The following CSMD1 variants were observed in gnomAD, a reference collection of about 807,000 sequenced individuals.
CSMD1 encodes the protein CUB and sushi domain-containing protein 1.
Under a neutral mutation model 417.5 loss-of-function variants are expected in CSMD1, and 213 were observed. That is an observed-to-expected ratio of 0.51 (90% CI 0.46 to 0.57). The LOEUF (loss-of-function observed/expected upper bound fraction) is 0.57. Ranked by LOEUF, CSMD1 falls within the 20% of genes least tolerant of loss-of-function variation. The probability of loss-of-function intolerance (pLI) is 0.00; values close to 1 mark genes in which losing one functional copy is unlikely to be tolerated. For synonymous variants in CSMD1, 2,862 were observed against 1,736.8 expected (o/e 1.65, Z -16.11); for missense variants, 6,923 against 4,529.7 (o/e 1.53, Z -15.17).
At chr8:4,141,728 CT>C (rs1803803817) in intron 3 of CSMD1, among the ~76,000 whole-genome samples, 1 of 150,676 alleles carries the variant, frequency 6.6e-6, no homozygotes, top group Non-Finnish European at 1.5e-5. Context: ...AATCTTGCAA[CT>C]AAAAACGGAT....
chr8:3,484,835 C>T (rs556517804), intron 11 of CSMD1, among the ~76,000 whole-genome samples: 1 of 152,254 alleles, frequency 6.6e-6, no homozygotes, highest in African/African-American at 2.4e-5. Context: ...TGTTCAGTAT[C>T]ATTAGCCATC....
chr8:3,097,445 T>G (rs560640042), intron 46 of CSMD1, among the ~76,000 whole-genome samples: 1 of 136,360 alleles, frequency 7.3e-6, no homozygotes, highest in South Asian at 2.4e-4. Flanking sequence ...ATTTTGGCTT[T>G]AAATATACAG....
intron 1 of CSMD1, among the ~76,000 whole-genome samples, chr8:4,867,729 CGTATTA>C (rs1329835049): frequency 1.3e-5 from 2 of 151,904 alleles, no homozygotes; most frequent in African/African-American, 4.8e-5. Context: ...AACAAAATGC[CGTATTA>C]GTATTCAATG....
At chr8:3,911,060 A>G (rs756127961) in intron 5 of CSMD1, among the ~76,000 whole-genome samples, 1 of 152,150 alleles carries the variant, frequency 6.6e-6, no homozygotes, top group Non-Finnish European at 1.5e-5. Context: ...GAACTCTAGA[A>G]ATTGGAGATG....
intron 53 of CSMD1, among the ~76,000 whole-genome samples, chr8:2,999,268 C>T (rs1217107561): frequency 6.6e-6 from 1 of 150,480 alleles, no homozygotes; most frequent in Non-Finnish European, 1.5e-5. Context: ...AATTCTCCTG[C>T]TTCAGCCCCT....
chr8:4,105,675 T>G (rs188857092), intron 3 of CSMD1, among the ~76,000 whole-genome samples: 2 of 152,258 alleles, frequency 1.3e-5, no homozygotes, highest in South Asian at 2.1e-4. Flanking sequence ...CATTAGCAGG[T>G]TTACCTGTCA....
chr8:3,269,978 T>G (rs975331763), intron 26 of CSMD1, among the ~76,000 whole-genome samples: 1 of 151,892 alleles, frequency 6.6e-6, no homozygotes, highest in South Asian at 2.1e-4. Flanking sequence ...CCCTACTCCA[T>G]TGATGGCCAT....
chr8:3,888,271 G>C (rs1257852346), intron 5 of CSMD1, among the ~76,000 whole-genome samples: 3 of 152,074 alleles, frequency 2.0e-5, no homozygotes, highest in African/African-American at 4.8e-5. Context: ...ACACCCAAAT[G>C]CCAAACCCTT....
At chr8:4,565,277 T>A (rs1218106329) in intron 2 of CSMD1, among the ~76,000 whole-genome samples, 1 of 152,156 alleles carries the variant, frequency 6.6e-6, no homozygotes, top group East Asian at 1.9e-4. Context: ...GAATATTGAG[T>A]GAACAAGTGT....
intron 1 of CSMD1, among the ~76,000 whole-genome samples, chr8:4,778,533 C>G (rs937207440): frequency 2.0e-5 from 3 of 152,160 alleles, no homozygotes; most frequent in Admixed American, 6.5e-5. Context: ...TACAGCAAAT[C>G]ATAACTTTAT....
chr8:4,718,639 C>G (rs1000225967), intron 1 of CSMD1, among the ~76,000 whole-genome samples: 8 of 151,670 alleles, frequency 5.3e-5, no homozygotes, highest in Admixed American at 5.3e-4. Flanking sequence ...ACTGGAAAAC[C>G]AAATAAAATC....
At chr8:4,145,032 T>C (rs949657070) in intron 3 of CSMD1, among the ~76,000 whole-genome samples, 1 of 151,168 alleles carries the variant, frequency 6.6e-6, no homozygotes, top group African/African-American at 2.5e-5. Context: ...CTTCTACTTT[T>C]CCGCTTTTAA....
chr8:4,367,977 TAG>T (rs1415811936), intron 3 of CSMD1, among the ~76,000 whole-genome samples: 23 of 152,126 alleles, frequency 1.5e-4, no homozygotes, highest in Admixed American at 1.4e-3. Context: ...GTTCTAGGTA[TAG>T]AGTTACATTG....
chr8:2,955,665 A>G lies in CSMD1; in HGVS notation c.9918T>C (p.Phe3306=), dbSNP rs1802949238. The G allele has an allele frequency of 3.7e-6, 6 of 1,613,840 alleles. No individual in the cohort carries two copies. Among genetic ancestry groups the G allele is most frequent in the Non-Finnish European group, 5.1e-6 (6 of 1,179,840 alleles). Residue 3306 remains phenylalanine, a synonymous_variant, in exon 64 of 70, where the codon TTT becomes TTC. Coordinates refer to ENST00000635120, the MANE Select transcript of CSMD1 (RefSeq NM_033225.6). ...TGTGCTCAGATCCCCCTGCGAGGAAAAAGCCTGGATGGCAGGTGTACACTA... is the reference window on the plus strand; with the variant it reads ...TGTGCTCAGATCCCCCTGCGAGGAAGAAGCCTGGATGGCAGGTGTACACTA... ...YTLVYTCHPG[F]FLAGGSEHRT...
At chr8:3,670,224 G>A (rs1276988651) in intron 7 of CSMD1, among the ~76,000 whole-genome samples, 1 of 151,952 alleles carries the variant, frequency 6.6e-6, no homozygotes, top group African/African-American at 2.4e-5. Context: ...AGCTGCCAGA[G>A]AATACAAAGC....
chr8:3,739,486 AT>A (rs1204346441), intron 6 of CSMD1, among the ~76,000 whole-genome samples: 1 of 152,232 alleles, frequency 6.6e-6, no homozygotes, highest in East Asian at 1.9e-4. Context: ...TACACATATT[AT>A]GTTTCAAAAT....
At chr8:3,489,528 A>G (rs1818249439) in intron 11 of CSMD1, among the ~76,000 whole-genome samples, 1 of 152,226 alleles carries the variant, frequency 6.6e-6, no homozygotes, top group Admixed American at 6.5e-5. Flanking sequence ...GAACAGTCTC[A>G]ATAGATGTAC....
At chr8:4,089,979 T>A (rs1443897910) in intron 3 of CSMD1, among the ~76,000 whole-genome samples, 1 of 152,230 alleles carries the variant, frequency 6.6e-6, no homozygotes, top group Non-Finnish European at 1.5e-5. Flanking sequence ...AGAATGCCGC[T>A]ATAATGGAAA....
intron 5 of CSMD1, among the ~76,000 whole-genome samples, chr8:3,882,031 TA>T (rs1478208708): frequency 3.9e-5 from 6 of 152,144 alleles, no homozygotes; most frequent in Admixed American, 1.3e-4. Flanking sequence ...CAACTATTTT[TA>T]AAAGGTATTA....
Sources: gnomAD v4.1 joint callset for allele counts (sites outside exome capture counted in the v4.1 genomes callset) on GRCh38, gnomAD v4.1.1 for gene constraint, MANE v1.5 for transcripts, NCBI Gene and HGNC (gene_info 2026-07-23, HGNC 2026-07-21) for gene names.